PPP6R3: variants seen among roughly 807,000 people sequenced by gnomAD.
PPP6R3 encodes serine/threonine-protein phosphatase 6 regulatory subunit 3.
In PPP6R3, 38 loss-of-function variants were observed where a neutral mutation model predicts 110.7. That is an observed-to-expected ratio of 0.34 (90% CI 0.26 to 0.45). PPP6R3 has a LOEUF of 0.45. PPP6R3 is among the 20% of genes least tolerant of loss of function. PPP6R3 has a pLI of 1.00. For missense variants in PPP6R3, 870 were observed against 1,062.4 expected, an observed-to-expected ratio of 0.82 and a Z score of 2.52; for synonymous variants, 369 against 373.5, an observed-to-expected ratio of 0.99 and a Z score of 0.14.
intron 15 of PPP6R3, 162 bp from the exon 16 acceptor site, chr11:68,587,765 A>G (rs1262495501): frequency 1.4e-6 from 1 of 721,904 alleles, no homozygotes; most frequent in Non-Finnish European, 2.4e-6. Context: ...TTTTTGGCAA[A>G]TTGTGTCTGA....
chr11:68,474,365 A>G (rs643609), intron 1 of PPP6R3, among the ~76,000 whole-genome samples: 59,261 of 152,076 alleles, frequency 0.39, 12,814 homozygotes, highest in African/African-American at 0.57. Context: ...TTTAAATATC[A>G]TATTGGCTAT....
rs1215341759 is a variant in PPP6R3, at chr11:68,603,236, T to TC, written c.2300-105dup. 9.1e-6 allele frequency: 13 copies of TC among 1,422,172 alleles called. No homozygotes were observed. In the African/African-American group the frequency reaches 1.7e-4, roughly 19 times the overall value. The allele number at this position is 1,422,172 out of a possible 1,614,324, so 88.1% of individuals were successfully genotyped here. On this transcript the variant is annotated intron_variant, in intron 21 of 23. Coordinates refer to ENST00000393800, the MANE Select transcript of PPP6R3 (RefSeq NM_001164161.2). ...GCAGAAGCCATCTCACTCTTTTTTT[T>TC]CTTCAAGCAGTAGATGTCACGTTGG...
intron 11 of PPP6R3, 111 bp downstream of exon 11, chr11:68,570,008 C>CT (rs1593309753): frequency 3.0e-6 from 3 of 1,006,946 alleles, no homozygotes; most frequent in Non-Finnish European, 4.2e-6. Context: ...ATTTCAGAGT[C>CT]TAAATATTTG....
At chr11:68,526,447 T>C (rs1030672674) in intron 2 of PPP6R3, among the ~76,000 whole-genome samples, 3 of 152,098 alleles carry the variant, frequency 2.0e-5, no homozygotes, top group African/African-American at 4.8e-5. Context: ...TCTCCCTTTG[T>C]TGCCTAGGCT....
At chr11:68,483,210 T>C (rs1264553186) in intron 1 of PPP6R3, among the ~76,000 whole-genome samples, 1 of 152,218 alleles carries the variant, frequency 6.6e-6, no homozygotes, top group Non-Finnish European at 1.5e-5. Flanking sequence ...GTATTTTGTT[T>C]ACCTCCTTTC....
At chr11:68,473,012 C>T (rs1055098826) in intron 1 of PPP6R3, among the ~76,000 whole-genome samples, 2 of 152,110 alleles carry the variant, frequency 1.3e-5, no homozygotes, top group African/African-American at 4.8e-5. Flanking sequence ...CATTTGTTTC[C>T]TTTGAAATAT....
At chr11:68,525,422 T>C (rs371825592) in intron 2 of PPP6R3, among the ~76,000 whole-genome samples, 46 of 152,332 alleles carry the variant, frequency 3.0e-4, no homozygotes, top group African/African-American at 1.1e-3. Flanking sequence ...GTTGAGCTTT[T>C]ATTCCTGAGC....
chr11:68,567,729 C>T (rs557285307), intron 10 of PPP6R3, among the ~76,000 whole-genome samples: 1 of 152,314 alleles, frequency 6.6e-6, no homozygotes, highest in South Asian at 2.1e-4. Flanking sequence ...GCCCATGCTT[C>T]TTCTCTGTGT....
Position 68,613,171 on chromosome 11 carries a change from G to A in PPP6R3, c.*54G>A, listed in dbSNP as rs1944428756. Reference sequence around the variant, plus strand: ...GACTGCAGACCGCCACCACTCAGGGGCTCTGGAGGGGTCAGCTGGAGCCCA... The same window carrying A: ...GACTGCAGACCGCCACCACTCAGGGACTCTGGAGGGGTCAGCTGGAGCCCA... On this transcript the variant is annotated 3_prime_UTR_variant, in exon 24 of 24. Coordinates refer to ENST00000393800, the MANE Select transcript of PPP6R3 (RefSeq NM_001164161.2). 1 of 1,608,690 alleles carries A rather than the reference G, an allele frequency of 6.2e-7. No individual in the cohort carries two copies.
Position 68,613,376 on chromosome 11 carries a change from A to G in PPP6R3, c.*259A>G, listed in dbSNP as rs1944476079. ...TTCTAAATAATGGGTAGCCTGTGAA[A>G]TAAGATCTTGCCACCCATGTAATAA... is the stretch of plus-strand genomic sequence containing the variant. On this transcript the variant is annotated 3_prime_UTR_variant, in exon 24 of 24. Coordinates refer to ENST00000393800, the MANE Select transcript of PPP6R3 (RefSeq NM_001164161.2). The G allele has an allele frequency of 8.4e-7, 1 of 1,193,930 alleles. No homozygotes were observed. The highest frequency in any genetic ancestry group is 1.6e-5 in the African/African-American group (1 of 63,148). The allele number at this position is 1,193,930 out of a possible 1,614,324, so 74.0% of individuals were successfully genotyped here. A position where few individuals can be genotyped will look rare whatever the true frequency, so the allele number is the denominator to read the frequency against.
At position 68,591,674 on chromosome 11, in the gene PPP6R3, C is replaced by G. The variant is rs895433376; in HGVS notation, c.1884C>G (p.Ile628Met). 2 of 1,613,080 alleles carry G rather than the reference C, an allele frequency of 1.2e-6. No homozygotes were observed. The highest frequency in any genetic ancestry group is 4.5e-5 in the East Asian group (2 of 44,838). ...DEEDIWEEKH[I>M]AFTPESQRRS... ...AAGATATATGGGAGGAAAAGCACAT[C>G]GCATTCACACCAGAATCCCAAAGAC... is the stretch of plus-strand genomic sequence containing the variant. The change falls in exon 18 of 24, where the codon ATC becomes ATG. Residue 628 changes from isoleucine (I) to methionine (M), a missense_variant. Physicochemically the swap from Ile to Met is conservative, Grantham distance 10. Transcript: ENST00000393800.
chr11:68,574,270 G>A, intron 13 of PPP6R3, 46 bp downstream of exon 13: 1 of 1,513,958 alleles, frequency 6.6e-7, no homozygotes, highest in Non-Finnish European at 9.2e-7. Flanking sequence ...TGGGTTGCAG[G>A]AAGGATTTAA....
At chr11:68,522,503 G>C (rs138704416) in intron 2 of PPP6R3, 1 of 152,152 alleles carries the variant, frequency 6.6e-6, no homozygotes, top group Non-Finnish European at 1.5e-5. Flanking sequence ...GAAAAATTTC[G>C]TTCTTTGCCC....
At position 68,613,048 on chromosome 11, in the gene PPP6R3, CT is replaced by C. The variant is rs1944370052; in HGVS notation, c.2571-17del. On this transcript the variant is annotated splice_polypyrimidine_tract_variant and intron_variant, in intron 23 of 23. Transcript: ENST00000393800. ...TTTCTGCTGCAAGTGCCTCCGATGC[CT>C]GTCTGTTGCTCCTTAGGACTGGCCA... 6.2e-7 allele frequency: 1 copy of C among 1,614,060 alleles called. No individual in the cohort carries two copies. The highest frequency in any genetic ancestry group is 1.3e-5 in the African/African-American group (1 of 74,934).
At chr11:68,560,112 T>C (rs1462822604) in intron 8 of PPP6R3, among the ~76,000 whole-genome samples, 1 of 152,184 alleles carries the variant, frequency 6.6e-6, no homozygotes, top group African/African-American at 2.4e-5. Flanking sequence ...GAAGAAAGAA[T>C]GTGTGTCAAT....
chr11:68,473,688 G>C (rs543911104), intron 1 of PPP6R3, among the ~76,000 whole-genome samples: 3 of 152,188 alleles, frequency 2.0e-5, no homozygotes, highest in Non-Finnish European at 4.4e-5. Context: ...GAATTGAATT[G>C]GAGGACACCC....
intron 12 of PPP6R3, 134 bp from the exon 13 acceptor site, chr11:68,573,975 T>C (rs2099520521): frequency 3.3e-6 from 2 of 609,396 alleles, no homozygotes; most frequent in Non-Finnish European, 5.8e-6. Context: ...TTTTCTTTTC[T>C]TTTCTGTCCA....
Position 68,556,550 on chromosome 11 carries a change from C to T in PPP6R3, c.732-2016C>T, listed in dbSNP as rs199920899. On this transcript the variant is annotated intron_variant, in intron 7 of 23. Transcript: ENST00000393800. ...AATTTCTCATTAAAAAAAAAAAAAA[C>T]GAAAAAAAAAAACAATGAGCCATTG... is the stretch of plus-strand genomic sequence containing the variant. 2.1e-4 allele frequency among the ~76,000 whole-genome samples: 24 copies of T among 111,914 alleles called. No individual in the cohort carries two copies. In the South Asian group the frequency reaches 4.0e-3, roughly 19 times the overall value. 73.4% of individuals were successfully genotyped at this position (111,914 alleles called of 152,430 possible). A position where few individuals can be genotyped will look rare whatever the true frequency, so the allele number is the denominator to read the frequency against.
chr11:68,524,273 A>C (rs1330195037), intron 2 of PPP6R3, among the ~76,000 whole-genome samples: 1 of 152,208 alleles, frequency 6.6e-6, no homozygotes, highest in Non-Finnish European at 1.5e-5. Flanking sequence ...ACAGTACAAG[A>C]CAGGTCTTCT....
Sources: allele counts gnomAD v4.1 joint callset (sites outside exome capture counted in the v4.1 genomes callset), GRCh38; gene constraint gnomAD v4.1.1; transcripts MANE v1.5; gene names NCBI Gene and HGNC (gene_info 2026-07-23, HGNC 2026-07-21).